Variants in CPED1 observed in about 807,000 individuals in gnomAD.
CPED1 encodes the protein cadherin-like and PC-esterase domain-containing protein 1.
CPED1 carries 114 observed loss-of-function variants against 128.2 expected under a neutral mutation model. That is an observed-to-expected ratio of 0.89 (90% CI 0.76 to 1.04). CPED1 has a LOEUF of 1.04. Among genes scored for constraint, CPED1 ranks in the 50% least tolerant of loss-of-function variants. The pLI, the probability that CPED1 is intolerant of heterozygous loss-of-function variation, is 0.00. For missense variants in CPED1, 1,211 were observed against 1,207.1 expected (o/e 1.00, Z -0.05); for synonymous variants, 462 against 426.7 (o/e 1.08, Z -1.02).
chr7:121,119,214 A>G (rs1281000328), intron 7 of CPED1, among the ~76,000 whole-genome samples: 2 of 145,194 alleles, frequency 1.4e-5, no homozygotes, highest in East Asian at 4.2e-4. Flanking sequence ...CTATTGCGAA[A>G]TATAGGACAA....
intron 22 of CPED1, among the ~76,000 whole-genome samples, chr7:121,289,200 G>A (rs1792642538): frequency 6.6e-6 from 1 of 152,120 alleles, no homozygotes. Flanking sequence ...CCTGATCTGA[G>A]GGCCAGATCA....
At chr7:121,289,513 T>C (rs1792648938) in intron 22 of CPED1, among the ~76,000 whole-genome samples, 1 of 152,204 alleles carries the variant, frequency 6.6e-6, no homozygotes, top group Non-Finnish European at 1.5e-5. Context: ...TGGTTCAAGC[T>C]CATTTGCAAT....
At chr7:121,126,262 C>T (rs1795501175) in intron 9 of CPED1, among the ~76,000 whole-genome samples, 1 of 151,914 alleles carries the variant, frequency 6.6e-6, no homozygotes, top group Admixed American at 6.6e-5. Context: ...TTATTTTTTA[C>T]ATATACATAT....
intron 3 of CPED1, among the ~76,000 whole-genome samples, chr7:121,018,608 ATGTATT>A (rs1334893866): frequency 6.6e-6 from 1 of 152,038 alleles, no homozygotes; most frequent in Non-Finnish European, 1.5e-5. Context: ...CTTTGATAAA[ATGTATT>A]TTTCATCCTA....
intron 17 of CPED1, among the ~76,000 whole-genome samples, chr7:121,238,148 G>A (rs1298666044): frequency 6.6e-6 from 1 of 152,148 alleles, no homozygotes; most frequent in Non-Finnish European, 1.5e-5. Flanking sequence ...TTCACTAAAT[G>A]TACGCTAACT....
chr7:121,140,903 G>A lies in CPED1; in HGVS notation c.1776G>A (p.Lys592=). Residue 592 remains lysine, a synonymous_variant, in exon 15 of 23, where the codon AAG becomes AAA. Transcript: ENST00000310396. ...AACTAAATCCTGACTTTCATCCAAA[G>A]ATCAAAGATTATTACTGTGAAGTCC... The part of the protein sequence containing the change: ...HLELNPDFHP[K]IKDYYCEVPF... 3.7e-6 allele frequency: 6 copies of A among 1,612,336 alleles called. No homozygotes were observed. Among genetic ancestry groups the A allele is most frequent in the Non-Finnish European group, 5.1e-6 (6 of 1,178,954 alleles).
chr7:121,049,443 C>T (rs968464329), intron 4 of CPED1, among the ~76,000 whole-genome samples: 5 of 152,180 alleles, frequency 3.3e-5, no homozygotes, highest in South Asian at 2.1e-4. Flanking sequence ...TCTACTGCTA[C>T]CCTCCAATCT....
chr7:121,243,327 G>GA (rs1000890395), intron 17 of CPED1, among the ~76,000 whole-genome samples: 147 of 147,512 alleles, frequency 1.0e-3, no homozygotes, highest in African/African-American at 3.1e-3. Flanking sequence ...GATGAACAAG[G>GA]AAAAAAAAAC....
chr7:120,998,945 A>G (rs1480705654), intron 2 of CPED1, among the ~76,000 whole-genome samples: 2 of 152,020 alleles, frequency 1.3e-5, no homozygotes, highest in Non-Finnish European at 2.9e-5. Context: ...ATATCTATTC[A>G]TTGGTTTATT....
intron 14 of CPED1, 100 bp downstream of exon 14, chr7:121,136,190 C>T (rs988615504): frequency 3.8e-5 from 43 of 1,129,468 alleles, no homozygotes; most frequent in Admixed American, 2.0e-4. Context: ...GGGTATCTTA[C>T]GCTGATAATT....
At chr7:121,096,943 T>C (rs1743137024) in intron 5 of CPED1, among the ~76,000 whole-genome samples, 1 of 152,182 alleles carries the variant, frequency 6.6e-6, no homozygotes, top group South Asian at 2.1e-4. Flanking sequence ...AACTTTTATA[T>C]TGAAGAAATA....
chr7:121,287,278 G>C (rs1285989810), intron 22 of CPED1, among the ~76,000 whole-genome samples: 1 of 151,102 alleles, frequency 6.6e-6, no homozygotes, highest in Non-Finnish European at 1.5e-5. Context: ...CACAGACACA[G>C]ACACACACAC....
intron 5 of CPED1, 147 bp from the exon 6 acceptor site, chr7:121,097,552 T>G: frequency 2.5e-6 from 2 of 809,346 alleles, no homozygotes; most frequent in East Asian, 5.0e-5. Flanking sequence ...TCATACTTAG[T>G]GGATCCATTT....
chr7:121,002,800 C>T (rs1791897640), intron 2 of CPED1, among the ~76,000 whole-genome samples: 1 of 152,146 alleles, frequency 6.6e-6, no homozygotes, highest in Non-Finnish European at 1.5e-5. Flanking sequence ...GAATTGTCTC[C>T]TATTTTTCTT....
intron 16 of CPED1, among the ~76,000 whole-genome samples, chr7:121,153,653 C>T (rs966702905): frequency 1.3e-5 from 2 of 152,098 alleles, no homozygotes; most frequent in Non-Finnish European, 2.9e-5. Flanking sequence ...ATTTTTGAAC[C>T]CAGAAGTCCT....
rs1173801424 is a variant in CPED1, at chr7:121,130,190, T to C, written c.1473T>C (p.Pro491=). 1 of 1,612,936 alleles carries C rather than the reference T, an allele frequency of 6.2e-7. No individual in the cohort carries two copies. The highest frequency in any genetic ancestry group is 1.3e-5 in the African/African-American group (1 of 74,876). The change falls in exon 12 of 23, where the codon CCT becomes CCC. Residue 491 remains proline, a synonymous_variant. Transcript: ENST00000310396. ...LMHEFYDVAN[P]VGNPGSVLTQ... is the part of the protein sequence containing the mutation. ...ATGAATTTTATGATGTGGCAAATCC[T>C]GTGGGAAATCCTGGCTCAGTCCTGA...
At chr7:120,992,560 G>C (rs187504318) in intron 2 of CPED1, among the ~76,000 whole-genome samples, 2 of 152,080 alleles carry the variant, frequency 1.3e-5, no homozygotes, top group African/African-American at 4.8e-5. Context: ...TAAACTAACT[G>C]CCCCTCCAGG....
chr7:121,149,326 T>C (rs1796098348), intron 16 of CPED1, among the ~76,000 whole-genome samples: 1 of 152,280 alleles, frequency 6.6e-6, no homozygotes, highest in East Asian at 1.9e-4. Context: ...AGTTTTCTTA[T>C]AAAGCAAGCA....
intron 16 of CPED1, among the ~76,000 whole-genome samples, chr7:121,193,293 T>A (rs1797189347): frequency 6.6e-6 from 1 of 152,116 alleles, no homozygotes; most frequent in African/African-American, 2.4e-5. Context: ...AAAAGTGAAA[T>A]GTGAGTGCTG....
Sources: gnomAD v4.1 joint callset for allele counts (sites outside exome capture counted in the v4.1 genomes callset) on GRCh38, gnomAD v4.1.1 for gene constraint, MANE v1.5 for transcripts, NCBI Gene and HGNC (gene_info 2026-07-23, HGNC 2026-07-21) for gene names.